Variants in PDZD2 observed in about 807,000 individuals in gnomAD.
The protein encoded by PDZD2 is PDZ domain containing 2.
PDZD2 carries 90 observed loss-of-function variants against 220.7 expected under a neutral mutation model. That is an observed-to-expected ratio of 0.41 (90% CI 0.34 to 0.49). The LOEUF (loss-of-function observed/expected upper bound fraction) is 0.49, where lower values mean the gene tolerates loss of function less well. Ranked by LOEUF, PDZD2 falls within the 20% of genes least tolerant of loss-of-function variation. The pLI is 0.28. For missense variants in PDZD2, 3,174 were observed against 3,608.5 expected (o/e 0.88, Z 3.08); for synonymous variants, 1,375 against 1,450.5 (o/e 0.95, Z 1.18).
At chr5:31,853,144 G>A (rs979735191) in intron 2 of PDZD2, among the ~76,000 whole-genome samples, 5 of 152,180 alleles carry the variant, frequency 3.3e-5, no homozygotes, top group African/African-American at 4.8e-5. Flanking sequence ...GGAAGGGGGT[G>A]GAGCCAGCAT....
chr5:32,108,110 T>C lies in PDZD2; in HGVS notation c.8495T>C (p.Ile2832Thr). The C allele has an allele frequency of 6.2e-7, 1 of 1,603,032 alleles. No individual in the cohort carries two copies. The highest frequency in any genetic ancestry group is 8.5e-7 in the Non-Finnish European group (1 of 1,174,054). Residue 2832 changes from isoleucine to threonine, a missense_variant, in exon 25 of 25, where the codon ATT (isoleucine) becomes ACT (threonine). Ile to Thr is a moderately conservative substitution (Grantham distance 89). Transcript: ENST00000438447. ...SVPEGPVQLL[I>T]RKHRNSS The stretch of plus-strand genomic sequence containing the variant: ...CCAGAAGGACCTGTGCAGTTATTAA[T>C]TAGAAAGCATAGGAATTCTTCATGA...
chr5:32,002,164 C>T (rs1288847735), intron 5 of PDZD2, among the ~76,000 whole-genome samples: 1 of 152,160 alleles, frequency 6.6e-6, no homozygotes, highest in Non-Finnish European at 1.5e-5. Context: ...CCTTTCTTTA[C>T]ACCTTTTACC....
At chr5:31,817,320 C>A (rs1755528187) in intron 2 of PDZD2, among the ~76,000 whole-genome samples, 1 of 151,600 alleles carries the variant, frequency 6.6e-6, no homozygotes, top group Non-Finnish European at 1.5e-5. Context: ...GTGGTGAAAC[C>A]CTGTCTCTAC....
At chr5:32,070,596 T>A (rs950607001) in intron 15 of PDZD2, among the ~76,000 whole-genome samples, 1 of 152,262 alleles carries the variant, frequency 6.6e-6, no homozygotes, top group African/African-American at 2.4e-5. Flanking sequence ...TTCAGTCATC[T>A]TCTCAGTTCT....
Position 32,000,238 on chromosome 5 carries a change from C to A in PDZD2, c.1221C>A (p.Ala407=). 6.2e-7 allele frequency: 1 copy of A among 1,614,188 alleles called. No individual in the cohort carries two copies. Among genetic ancestry groups the A allele is most frequent in the Non-Finnish European group, 8.5e-7 (1 of 1,180,014 alleles). The stretch of plus-strand genomic sequence containing the variant: ...AAGCAGTGGCCATTCTTCGCTCCGC[C>A]ACGGGAATGGTGCAGCTTGTGGTGG... ...HEEAVAILRS[A]TGMVQLVVAS... The change falls in exon 5 of 25, where the codon GCC becomes GCA. Residue 407 remains alanine (A), a synonymous_variant. Transcript: ENST00000438447. The surrounding 1 kb of genome is among the most constrained non-coding windows in gnomAD (Gnocchi z 4.5).
intron 2 of PDZD2, among the ~76,000 whole-genome samples, chr5:31,800,769 G>A (rs1419736656): frequency 6.6e-6 from 1 of 152,204 alleles, no homozygotes; most frequent in East Asian, 1.9e-4. Flanking sequence ...AGGATATTCT[G>A]AGTGAGATCC....
At chr5:31,970,394 G>A (rs1268832468) in intron 2 of PDZD2, among the ~76,000 whole-genome samples, 2 of 152,070 alleles carry the variant, frequency 1.3e-5, no homozygotes, top group South Asian at 2.1e-4. Flanking sequence ...AGTGGCTCCC[G>A]CTGGTAATCC....
rs1207119034 is a variant in PDZD2, at chr5:31,855,492, AG to A, written c.476+55773del. On this transcript the variant is annotated intron_variant, in intron 2 of 24. Transcript: ENST00000438447. The stretch of plus-strand genomic sequence containing the variant: ...GGGGTGCCCAGAGGGGACAGGTAAT[AG>A]GGGGTTCCGGAGCCACGGCGGTTTC... 4.6e-5 allele frequency among the ~76,000 whole-genome samples: 7 copies of A among 152,298 alleles called. No individual in the cohort carries two copies. In the East Asian group the frequency reaches 5.8e-4, roughly 13 times the overall value.
intron 1 of PDZD2, among the ~76,000 whole-genome samples, chr5:31,650,127 A>G (rs1745295794): frequency 6.6e-6 from 1 of 152,146 alleles, no homozygotes; most frequent in East Asian, 1.9e-4. Flanking sequence ...CTGAGTGAGT[A>G]TATTTCTTCC....
At chr5:31,898,481 T>A (rs1479206255) in intron 2 of PDZD2, among the ~76,000 whole-genome samples, 3 of 152,196 alleles carry the variant, frequency 2.0e-5, no homozygotes, top group Non-Finnish European at 4.4e-5. Flanking sequence ...TGCAGAAAGC[T>A]TTTCTGACAG....
chr5:32,052,509 G>A (rs1166495474), intron 8 of PDZD2, 102 bp from the exon 9 acceptor site: 1 of 1,058,618 alleles, frequency 9.4e-7, no homozygotes, highest in Non-Finnish European at 1.5e-6. Flanking sequence ...GTCTAGTACT[G>A]AAGACATCTA....
intron 2 of PDZD2, among the ~76,000 whole-genome samples, chr5:31,910,467 C>T (rs1201887039): frequency 3.5e-5 from 5 of 144,196 alleles, no homozygotes; most frequent in East Asian, 4.0e-4. Flanking sequence ...AGTGCAGTTG[C>T]GCAAATTCCG....
chr5:31,895,867 C>G, intron 2 of PDZD2, among the ~76,000 whole-genome samples: 1 of 152,156 alleles, frequency 6.6e-6, no homozygotes, highest in East Asian at 1.9e-4. Flanking sequence ...TTCTTCATGG[C>G]TGTAGATAAT....
Position 31,799,458 on chromosome 5 carries a change from T to G in PDZD2, c.210T>G (p.Thr70=), listed in dbSNP as rs756992180. Residue 70 remains threonine, a synonymous_variant, in exon 2 of 25, where the codon ACT becomes ACG. Transcript: ENST00000438447. ...GCCCCCCCGAAATGGAGATCTGTAC[T>G]GTGTACCTCACCAAGGAGCTGGGGG... ...DHSPPEMEIC[T]VYLTKELGDT... 6.2e-7 allele frequency: 1 copy of G among 1,614,212 alleles called. No individual in the cohort carries two copies. Among genetic ancestry groups the G allele is most frequent in the East Asian group, 2.2e-5 (1 of 44,878 alleles).
At chr5:31,764,852 G>A (rs138388387) in intron 1 of PDZD2, among the ~76,000 whole-genome samples, 369 of 152,294 alleles carry the variant, frequency 2.4e-3, no homozygotes, top group Non-Finnish European at 3.9e-3. Context: ...CAAGATAGGC[G>A]GATCATTTGA....
chr5:32,049,405 A>G (rs974760302), intron 8 of PDZD2, among the ~76,000 whole-genome samples: 2 of 152,198 alleles, frequency 1.3e-5, no homozygotes, highest in African/African-American at 2.4e-5. Flanking sequence ...GCTTGTCCCC[A>G]GCCCTATGAT....
At chr5:31,876,231 G>A (rs572492846) in intron 2 of PDZD2, among the ~76,000 whole-genome samples, 1 of 150,824 alleles carries the variant, frequency 6.6e-6, no homozygotes, top group Admixed American at 6.6e-5. Context: ...TCTTAGTATT[G>A]CATTCTCTAT....
chr5:31,847,660 G>A (rs1302912853), intron 2 of PDZD2: 1 of 612,942 alleles, frequency 1.6e-6, no homozygotes, highest in East Asian at 3.9e-5. Context: ...ATACAATGTG[G>A]AAAGCATTGA....
intron 2 of PDZD2, among the ~76,000 whole-genome samples, chr5:31,876,491 C>G (rs1739319506): frequency 6.6e-6 from 1 of 151,994 alleles, no homozygotes; most frequent in African/African-American, 2.4e-5. Context: ...CAGGGTTTCA[C>G]CATGTTGGTC....
Sources: gnomAD v4.1 joint callset for allele counts (sites outside exome capture counted in the v4.1 genomes callset) on GRCh38, gnomAD v4.1.1 for gene constraint, Gnocchi (gnomAD v3.1) non-coding constraint, MANE v1.5 for transcripts, NCBI Gene and HGNC (gene_info 2026-07-23, HGNC 2026-07-21) for gene names.